The following DCC variants were observed in gnomAD, a reference collection of about 807,000 sequenced individuals.
DCC encodes the protein DCC netrin 1 receptor.
A neutral mutation model predicts 172.5 loss-of-function variants in DCC; 58 were observed. The observed-to-expected ratio is 0.34, with a 90% CI of 0.27 to 0.42. The LOEUF is 0.42. DCC is among the 10% of genes least tolerant of loss of function. The probability of loss-of-function intolerance (pLI) is 1.00; values close to 1 mark genes in which losing one functional copy is unlikely to be tolerated. For missense variants in DCC, 1,740 were observed against 1,791.0 expected, an observed-to-expected ratio of 0.97 and a Z score of 0.51; for synonymous variants, 709 against 644.5, an observed-to-expected ratio of 1.10 and a Z score of -1.52.
chr18:53,079,928 G>A (rs941091043), intron 7 of DCC, among the ~76,000 whole-genome samples: 2 of 152,126 alleles, frequency 1.3e-5, no homozygotes, highest in Non-Finnish European at 2.9e-5. Context: ...GTATCTTTTA[G>A]AATATACAAA....
At chr18:53,362,798 T>A (rs1057079730) in intron 15 of DCC, among the ~76,000 whole-genome samples, 2 of 152,132 alleles carry the variant, frequency 1.3e-5, no homozygotes, top group African/African-American at 4.8e-5. Context: ...ACAAATAGTG[T>A]TCACTAAAAG....
rs151096581 is a variant in DCC, at chr18:52,726,500, T to A, written c.92-25554T>A. 3.8e-4 allele frequency among the ~76,000 whole-genome samples: 58 copies of A among 152,322 alleles called. No homozygotes were observed. The East Asian group carries it at 0.01, about 26-fold the overall frequency. The stretch of plus-strand genomic sequence containing the variant: ...TATTCCATACACCCCACCTGCCTGG[T>A]CTCACAATGCACCTGATTCTCCAGC... On this transcript the variant is annotated intron_variant, in intron 1 of 28. Transcript: ENST00000442544.
intron 2 of DCC, among the ~76,000 whole-genome samples, chr18:52,858,097 A>G (rs1004042300): frequency 6.6e-6 from 1 of 152,240 alleles, no homozygotes; most frequent in Non-Finnish European, 1.5e-5. Context: ...AAGTTTAGAT[A>G]GCGAGAATCA....
chr18:52,798,355 G>A (rs1471613956), intron 2 of DCC, among the ~76,000 whole-genome samples: 1 of 152,164 alleles, frequency 6.6e-6, no homozygotes, highest in Non-Finnish European at 1.5e-5. Context: ...AGAGACTGCA[G>A]AGGAAGTTTC....
chr18:52,764,995 G>A (rs2037221032), intron 2 of DCC, among the ~76,000 whole-genome samples: 1 of 151,278 alleles, frequency 6.6e-6, no homozygotes, highest in African/African-American at 2.4e-5. Flanking sequence ...TCTGAGTCCT[G>A]CCTATACCTC....
chr18:53,449,740 T>G (rs189942571), intron 22 of DCC, among the ~76,000 whole-genome samples: 12 of 152,286 alleles, frequency 7.9e-5, no homozygotes, highest in Non-Finnish European at 1.2e-4. Context: ...ATCTTGTTTT[T>G]ATTGAGATAT....
At chr18:53,006,701 G>T (rs887322467) in intron 5 of DCC, among the ~76,000 whole-genome samples, 1 of 152,154 alleles carries the variant, frequency 6.6e-6, no homozygotes, top group African/African-American at 2.4e-5. Flanking sequence ...AAGCTAGGCA[G>T]GAAACAAAGG....
At chr18:53,303,127 ATC>A (rs2057160032) in intron 12 of DCC, among the ~76,000 whole-genome samples, 1 of 152,008 alleles carries the variant, frequency 6.6e-6, no homozygotes, top group Non-Finnish European at 1.5e-5. Context: ...TGAGAACCAA[ATC>A]TCTAATTTGT....
chr18:53,252,654 AG>A (rs1263002574), intron 12 of DCC, among the ~76,000 whole-genome samples: 1 of 151,934 alleles, frequency 6.6e-6, no homozygotes, highest in Non-Finnish European at 1.5e-5. Flanking sequence ...CTCTATGCTC[AG>A]AACTAGGAGA....
intron 1 of DCC, among the ~76,000 whole-genome samples, chr18:52,546,485 G>A (rs1372532632): frequency 1.3e-5 from 2 of 152,080 alleles, no homozygotes; most frequent in African/African-American, 4.8e-5. Context: ...ACTTACCTCT[G>A]ACAGTTCTTG....
At chr18:53,508,168 T>C (rs574553832) in intron 27 of DCC, among the ~76,000 whole-genome samples, 59 of 151,840 alleles carry the variant, frequency 3.9e-4, no homozygotes, top group Non-Finnish European at 7.5e-4. Flanking sequence ...GCTGGGATTA[T>C]AGGCATGAGC....
chr18:52,429,343 T>C (rs1024763617), intron 1 of DCC, among the ~76,000 whole-genome samples: 25 of 152,132 alleles, frequency 1.6e-4, no homozygotes, highest in African/African-American at 5.1e-4. Context: ...CACTGAGGCA[T>C]GTGTGAGTGT....
chr18:53,351,383 A>AGT lies in DCC; in HGVS notation c.2359+11477_2359+11478dup, dbSNP rs1555656844. ...ATATATATACTGTATATATATATAC[A>AGT]GTATATATATATACAGTGTATATAT... is the stretch of plus-strand genomic sequence containing the variant. On this transcript the variant is annotated intron_variant, in intron 15 of 28. Transcript: ENST00000442544. 1.5e-3 allele frequency among the ~76,000 whole-genome samples: 53 copies of AGT among 35,092 alleles called. 7 individuals are homozygous for AGT. Among genetic ancestry groups the AGT allele is most frequent in the African/African-American group, 5.0e-3 (49 of 9,772 alleles). The allele number at this position is 35,092 out of a possible 152,430, so 23.0% of individuals were successfully genotyped here.
At chr18:52,737,610 T>C (rs1166801638) in intron 1 of DCC, among the ~76,000 whole-genome samples, 2 of 152,050 alleles carry the variant, frequency 1.3e-5, no homozygotes, top group South Asian at 2.1e-4. Context: ...CGGGGAGTAG[T>C]AGCCTTGGAC....
intron 1 of DCC, among the ~76,000 whole-genome samples, chr18:52,624,609 T>C (rs955892649): frequency 1.3e-5 from 2 of 152,224 alleles, no homozygotes; most frequent in African/African-American, 4.8e-5. Flanking sequence ...AATATATGTT[T>C]ACTAATCAGT....
chr18:53,047,630 A>C (rs1040227879), intron 5 of DCC, among the ~76,000 whole-genome samples: 1 of 150,512 alleles, frequency 6.6e-6, no homozygotes, highest in Non-Finnish European at 1.5e-5. Flanking sequence ...TTTTACACAG[A>C]CATATTGCTT....
chr18:52,927,395 A>G (rs556554258), intron 5 of DCC, among the ~76,000 whole-genome samples: 1 of 151,814 alleles, frequency 6.6e-6, no homozygotes, highest in East Asian at 2.0e-4. Context: ...ACAAGAAAAT[A>G]TTTAATAATT....
At chr18:52,755,625 A>G (rs1599077807) in intron 2 of DCC, among the ~76,000 whole-genome samples, 1 of 152,218 alleles carries the variant, frequency 6.6e-6, no homozygotes, top group East Asian at 1.9e-4. Flanking sequence ...TCCCAGTAAT[A>G]AAGACCATGG....
In DCC at chr18:52,708,635, G is replaced by A. The variant is rs892450499; in HGVS notation, c.92-43419G>A. 2.6e-4 allele frequency among the ~76,000 whole-genome samples: 40 copies of A among 152,050 alleles called. 1 individual carries two copies. Among genetic ancestry groups the A allele is most frequent in the Non-Finnish European group, 5.3e-4 (36 of 68,014 alleles). ...CTGTAGCAGTGGTGCACCTGTCCCT[G>A]CGAAAGGCTCTGAGTCTCAGCCATG... is the stretch of plus-strand genomic sequence containing the variant. On this transcript the variant is annotated intron_variant, in intron 1 of 28. Transcript: ENST00000442544.
Sources: allele counts gnomAD v4.1 joint callset (sites outside exome capture counted in the v4.1 genomes callset), GRCh38; gene constraint gnomAD v4.1.1; transcripts MANE v1.5; gene names NCBI Gene and HGNC (gene_info 2026-07-23, HGNC 2026-07-21).